Variants in TEAD4 observed in about 807,000 individuals in gnomAD.
TEAD4 encodes transcriptional enhancer factor TEF-3.
In TEAD4, 36 loss-of-function variants were observed where a neutral mutation model predicts 52.4. That is an observed-to-expected ratio of 0.69 (90% confidence interval 0.53 to 0.91). TEAD4 has a LOEUF of 0.91. Ranked by LOEUF, TEAD4 falls within the 40% of genes least tolerant of loss-of-function variation. TEAD4 has a pLI of 0.00. For synonymous variants in TEAD4, 220 were observed against 231.0 expected, an observed-to-expected ratio of 0.95 and a Z score of 0.43; for missense variants, 508 against 583.9, an observed-to-expected ratio of 0.87 and a Z score of 1.34.
rs1184865351 is a variant in TEAD4 at position 3,040,143 on chromosome 12, T to G, written c.1075T>G (p.Tyr359Asp). Residue 359 changes from tyrosine (Y) to aspartate (D), a missense_variant, in exon 12 of 13, where the codon TAC becomes GAC. Coordinates refer to ENST00000359864, the MANE Select transcript of TEAD4 (RefSeq NM_003213.4). Reference sequence around the variant, plus strand: ...TCGCTATGAGAATGGACACTACTCTTACCGCATCCACCGGTCCCCGCTCTG... The same window carrying G: ...TCGCTATGAGAATGGACACTACTCTGACCGCATCCACCGGTCCCCGCTCTG... 1 of 1,614,202 alleles carries G rather than the reference T, an allele frequency of 6.2e-7. No homozygotes were observed.
intron 3 of TEAD4, among the ~76,000 whole-genome samples, chr12:3,006,676 TC>T (rs1249707772): frequency 6.7e-6 from 1 of 150,310 alleles, no homozygotes. Context: ...AGAGCGAAAC[TC>T]CGTCTCAAAA....
intron 2 of TEAD4, among the ~76,000 whole-genome samples, chr12:2,979,428 C>G (rs1211398300): frequency 1.3e-5 from 2 of 152,214 alleles, no homozygotes; most frequent in Non-Finnish European, 2.9e-5. Flanking sequence ...GCAGAAGTCA[C>G]AGCACTAAAT....
Position 2,963,155 on chromosome 12 carries a change from G to A in TEAD4, c.-30+3115G>A, listed in dbSNP as rs1055809918. The stretch of plus-strand genomic sequence containing the variant: ...CACCCTCCTCTCCCCTTGATGAGCC[G>A]GCAGGTGAAGGTTCTCCCTATCTTT... On this transcript the variant is annotated intron_variant, in intron 2 of 12. Coordinates refer to ENST00000359864, the MANE Select transcript of TEAD4 (RefSeq NM_003213.4). Among the ~76,000 whole-genome samples, 14 of 152,266 alleles carry A rather than the reference G, an allele frequency of 9.2e-5. No homozygotes were observed. The East Asian group carries it at 2.3e-3, about 25-fold the overall frequency.
At chr12:3,034,246 G>T (rs1238253307) in intron 10 of TEAD4, among the ~76,000 whole-genome samples, 2 of 152,112 alleles carry the variant, frequency 1.3e-5, no homozygotes, top group Non-Finnish European at 2.9e-5. Flanking sequence ...TATCTGAGAT[G>T]GGGGTGGAGC....
chr12:2,996,024 T>A (rs1231364664), intron 3 of TEAD4, among the ~76,000 whole-genome samples: 15 of 139,286 alleles, frequency 1.1e-4, no homozygotes, highest in African/African-American at 5.5e-5. Flanking sequence ...AAAAAAAAAA[T>A]GAAGCAAGAA....
intron 10 of TEAD4, among the ~76,000 whole-genome samples, chr12:3,037,035 C>A (rs61918015): frequency 2.0e-5 from 3 of 152,144 alleles, no homozygotes; most frequent in Non-Finnish European, 4.4e-5. Flanking sequence ...AGTCTTACTC[C>A]GCCTTTTCTA....
chr12:3,021,787 T>C (rs1056551062), intron 9 of TEAD4, 57 bp from the exon 10 acceptor site: 8 of 1,577,974 alleles, frequency 5.1e-6, no homozygotes, highest in Non-Finnish European at 6.9e-6. Context: ...GAGCCAGGGT[T>C]GTCTGTCTGA....
At chr12:3,036,854 G>T (rs1467028602) in intron 10 of TEAD4, among the ~76,000 whole-genome samples, 3 of 152,158 alleles carry the variant, frequency 2.0e-5, no homozygotes, top group African/African-American at 7.2e-5. Flanking sequence ...CTCATCTGGT[G>T]CCTTCCTTTC....
intron 3 of TEAD4, among the ~76,000 whole-genome samples, chr12:3,009,969 G>C (rs554264269): frequency 7.9e-5 from 12 of 152,186 alleles, no homozygotes; most frequent in African/African-American, 2.2e-4. Flanking sequence ...CACCTCCCCG[G>C]GCATCAGCAG....
intron 6 of TEAD4, 128 bp downstream of exon 6, chr12:3,017,654 A>C (rs1051755031): frequency 2.3e-6 from 3 of 1,323,496 alleles, no homozygotes; most frequent in Non-Finnish European, 2.0e-6. Flanking sequence ...CAGGGCAGTC[A>C]GGGAAGGAGG....
intron 2 of TEAD4, among the ~76,000 whole-genome samples, chr12:2,980,956 G>T (rs1444092268): frequency 6.6e-6 from 1 of 152,126 alleles, no homozygotes; most frequent in Admixed American, 6.6e-5. Flanking sequence ...TCTCTTACTG[G>T]CTTTGGGCTG....
intron 2 of TEAD4, among the ~76,000 whole-genome samples, chr12:2,978,818 T>C (rs964569540): frequency 6.6e-6 from 1 of 152,198 alleles, no homozygotes; most frequent in Non-Finnish European, 1.5e-5. Flanking sequence ...GGAAGTGAAA[T>C]AACATGAGAT....
At chr12:3,019,248 A>T in intron 8 of TEAD4, 78 bp downstream of exon 8, 1 of 1,528,980 alleles carries the variant, frequency 6.5e-7, no homozygotes, top group Non-Finnish European at 9.0e-7. Flanking sequence ...CCGGCAGCCG[A>T]ACGCCTGCGT....
chr12:3,033,904 G>T (rs1218762287), intron 10 of TEAD4, among the ~76,000 whole-genome samples: 1 of 151,796 alleles, frequency 6.6e-6, no homozygotes, highest in East Asian at 1.9e-4. Context: ...GAGAAGGGGT[G>T]AGGCTGTAAT....
chr12:2,968,158 C>G (rs2098221963), intron 2 of TEAD4, among the ~76,000 whole-genome samples: 1 of 145,334 alleles, frequency 6.9e-6, no homozygotes, highest in Non-Finnish European at 1.5e-5. Context: ...GTGATCTCGA[C>G]TCACCGCAGC....
intron 2 of TEAD4, among the ~76,000 whole-genome samples, chr12:2,964,385 G>A (rs2098218479): frequency 6.6e-6 from 1 of 152,126 alleles, no homozygotes; most frequent in South Asian, 2.1e-4. Flanking sequence ...CGGCGATCTT[G>A]GGTTGTGGGC....
rs2098245522 is a variant in TEAD4, at chr12:2,994,364, C to T, written c.-29-374C>T. On this transcript the variant is annotated intron_variant, in intron 2 of 12. Coordinates refer to ENST00000359864, the MANE Select transcript of TEAD4 (RefSeq NM_003213.4). The surrounding 1 kb of genome is among the most constrained non-coding windows in gnomAD (Gnocchi z 4.7). Reference sequence around the variant, plus strand: ...GTGCTGGGATTACAGGCGTGAGCCACAGCGCCCGGCCTGTACCATTTTGCA... The same window carrying T: ...GTGCTGGGATTACAGGCGTGAGCCATAGCGCCCGGCCTGTACCATTTTGCA... 6.6e-6 allele frequency among the ~76,000 whole-genome samples: 1 copy of T among 152,352 alleles called. No homozygotes were observed. The highest frequency in any genetic ancestry group is 3.4e-3 in the Middle Eastern group (1 of 294).
chr12:2,977,423 T>C (rs1421561729), intron 2 of TEAD4, among the ~76,000 whole-genome samples: 1 of 152,190 alleles, frequency 6.6e-6, no homozygotes, highest in Non-Finnish European at 1.5e-5. Context: ...CTCCTTAGCC[T>C]GGGAAGGATT....
chr12:2,974,876 G>C (rs1459264183), intron 2 of TEAD4, among the ~76,000 whole-genome samples: 2 of 152,154 alleles, frequency 1.3e-5, no homozygotes, highest in East Asian at 3.9e-4. Context: ...AAACAAGTGT[G>C]CTGGCTTTGA....
Sources: allele counts gnomAD v4.1 joint callset (sites outside exome capture counted in the v4.1 genomes callset), GRCh38; gene constraint gnomAD v4.1.1; non-coding constraint Gnocchi (gnomAD v3.1); transcripts MANE v1.5; gene names NCBI Gene and HGNC (gene_info 2026-07-23, HGNC 2026-07-21).